The following MRPS22 variants were observed in gnomAD, a reference collection of about 807,000 sequenced individuals.
The protein encoded by MRPS22 is small ribosomal subunit protein mS22.
A neutral mutation model predicts 44.0 loss-of-function variants in MRPS22; 30 were observed. The observed-to-expected ratio is 0.68, with a 90% CI of 0.51 to 0.93. The LOEUF is 0.93. Ranked by LOEUF, MRPS22 falls within the 40% of genes least tolerant of loss-of-function variation. MRPS22 has a pLI of 0.00. For missense variants in MRPS22, 447 were observed against 447.8 expected, an observed-to-expected ratio of 1.00 and a Z score of 0.02; for synonymous variants, 165 against 154.4, an observed-to-expected ratio of 1.07 and a Z score of -0.51.
chr3:139,349,191 G>C, intron 3 of MRPS22: 1 of 399,464 alleles, frequency 2.5e-6, no homozygotes, highest in Non-Finnish European at 4.9e-6. Flanking sequence ...TTGCAGTGCT[G>C]TGCATGTTGG....
At chr3:139,347,562 G>T (rs143298948) in intron 2 of MRPS22, among the ~76,000 whole-genome samples, 4 of 152,306 alleles carry the variant, frequency 2.6e-5, no homozygotes, top group African/African-American at 9.6e-5. Flanking sequence ...TCTCTCTCCA[G>T]TAGTAGATTA....
At chr3:139,350,674 C>A (rs28446937) in intron 4 of MRPS22, 323,241 of 436,392 alleles carry the variant, frequency 0.74, 124,021 homozygotes, top group East Asian at 0.9. Context: ...GATTCGCACC[C>A]CCCCCCCGCA....
chr3:139,350,460 T>C (rs1941124874), intron 4 of MRPS22, 138 bp downstream of exon 4: 2 of 989,924 alleles, frequency 2.0e-6, no homozygotes, highest in African/African-American at 3.3e-5. Context: ...GGAGTTTCGC[T>C]CCTTTTGCCC....
chr3:139,344,780 GTTTC>G, intron 1 of MRPS22: 1 of 629,266 alleles, frequency 1.6e-6, no homozygotes, highest in Non-Finnish European at 2.8e-6. Flanking sequence ...AATTAAGATT[GTTTC>G]TTAAGTTTTT....
chr3:139,348,315 A>ACC lies in MRPS22; in HGVS notation c.496_497dup (p.Arg168ThrfsTer26), dbSNP rs1941085610. On this transcript the variant is annotated frameshift_variant, in exon 3 of 8. Coordinates refer to ENST00000680020, the MANE Select transcript of MRPS22 (RefSeq NM_020191.4). LOFTEE classifies it high-confidence loss of function. ...TGTTTACTGATATATCATATAGCAT[A>ACC]CCACACCGGGTGAGTATATGTCTAA... The ACC allele has an allele frequency of 6.2e-7, 1 of 1,613,842 alleles. No individual in the cohort carries two copies. The highest frequency in any genetic ancestry group is 1.7e-5 in the Admixed American group (1 of 59,994).
Position 139,352,793 on chromosome 3 carries a change from G to T in MRPS22, c.878+1G>T, listed in dbSNP as rs775354826. ...TGATTGACCAGATTCAGAGAGATTTGTAAGTATGATCTTAGTAAGTGAAAG... is the reference window on the plus strand; with the variant it reads ...TGATTGACCAGATTCAGAGAGATTTTTAAGTATGATCTTAGTAAGTGAAAG... On this transcript the variant is annotated splice_donor_variant, in intron 6 of 7. Transcript: ENST00000680020. LOFTEE classifies it high-confidence loss of function. 1.4e-4 allele frequency: 221 copies of T among 1,612,666 alleles called. No homozygotes were observed. The highest frequency in any genetic ancestry group is 1.8e-4 in the Non-Finnish European group (209 of 1,179,220).
At chr3:139,344,284 C>T in intron 1 of MRPS22, 86 bp downstream of exon 1, 2 of 1,385,282 alleles carry the variant, frequency 1.4e-6, no homozygotes, top group Non-Finnish European at 2.0e-6. Flanking sequence ...CGCGATAGCC[C>T]CCGCGACACG....
chr3:139,355,224 C>CT (rs145406249), intron 6 of MRPS22, among the ~76,000 whole-genome samples: 2,254 of 152,232 alleles, frequency 0.015, 61 homozygotes, highest in African/African-American at 0.052. Flanking sequence ...GCAAATGTCA[C>CT]TTAGAGGCAA....
chr3:139,352,672 T>G lies in MRPS22; in HGVS notation c.758T>G (p.Ile253Arg), dbSNP rs761121831. The G allele has an allele frequency of 6.2e-7, 1 of 1,613,554 alleles. No individual in the cohort carries two copies. Among genetic ancestry groups the G allele is most frequent in the East Asian group, 2.2e-5 (1 of 44,850 alleles). ...GTTCATCACAAGACCTATGAAGATA[T>G]AGATAAACGTGGAAAATATGACCTT... ...IKVHHKTYEDIDKRGKYDLLR... is the reference protein window; with the variant it reads ...IKVHHKTYEDRDKRGKYDLLR... Residue 253 changes from isoleucine to arginine, a missense_variant, in exon 6 of 8, where the codon ATA (isoleucine) becomes AGA (arginine). Ile to Arg is a moderately conservative substitution (Grantham distance 97, BLOSUM62 -3). Transcript: ENST00000680020.
intron 2 of MRPS22, among the ~76,000 whole-genome samples, chr3:139,347,949 C>T (rs771020898): frequency 1.2e-4 from 19 of 152,314 alleles, no homozygotes; most frequent in South Asian, 6.2e-4. Flanking sequence ...GTTTTGATAA[C>T]GGTTGAGTCT....
At chr3:139,345,893 C>T (rs997591265) in intron 1 of MRPS22, among the ~76,000 whole-genome samples, 10 of 152,160 alleles carry the variant, frequency 6.6e-5, no homozygotes, top group African/African-American at 1.4e-4. Flanking sequence ...TAATTGAAGT[C>T]GTGGCAGGAT....
intron 1 of MRPS22, among the ~76,000 whole-genome samples, chr3:139,344,411 G>T (rs1242666557): frequency 8.5e-5 from 13 of 152,204 alleles, no homozygotes; most frequent in Non-Finnish European, 1.5e-5. Flanking sequence ...GTTCCGCTCC[G>T]TGCAGAGCAC....
intron 3 of MRPS22, chr3:139,349,376 T>G (rs1382515474): frequency 2.3e-6 from 1 of 434,920 alleles, no homozygotes; most frequent in Admixed American, 2.7e-5. Context: ...ATTTAGAGAC[T>G]CCTACACCTC....
At chr3:139,352,460 T>C (rs1941169225) in intron 5 of MRPS22, 187 bp from the exon 6 acceptor site, 1 of 551,496 alleles carries the variant, frequency 1.8e-6, no homozygotes. Flanking sequence ...AGAATCCTCC[T>C]TCCCACCTAA....
At chr3:139,348,463 A>G in intron 3 of MRPS22, 139 bp downstream of exon 3, 1 of 811,596 alleles carries the variant, frequency 1.2e-6, no homozygotes, top group Non-Finnish European at 2.1e-6. Flanking sequence ...TCTGGAAGAT[A>G]TACTATATGA....
At position 139,352,705 on chromosome 3, in the gene MRPS22, C is replaced by A; in HGVS notation, c.791C>A (p.Ser264Ter). 6.2e-7 allele frequency: 1 copy of A among 1,612,982 alleles called. No individual in the cohort carries two copies. The highest frequency in any genetic ancestry group is 1.1e-5 in the South Asian group (1 of 91,038). ...CGTGGAAAATATGACCTTTTACGTT[C>A]AACAAGATACTTTGGTGGAATGGTG... Reference protein sequence around the residue: ...DKRGKYDLLRSTRYFGGMVWY... With the variant: ...DKRGKYDLLR Residue 264 changes from serine (S) to a stop codon, truncating the protein, a stop_gained, in exon 6 of 8, where the codon TCA becomes TAA. Coordinates refer to ENST00000680020, the MANE Select transcript of MRPS22 (RefSeq NM_020191.4). LOFTEE classifies it high-confidence loss of function.
At chr3:139,349,794 A>G (rs759008471) in intron 3 of MRPS22, among the ~76,000 whole-genome samples, 1 of 152,244 alleles carries the variant, frequency 6.6e-6, no homozygotes, top group Non-Finnish European at 1.5e-5. Flanking sequence ...GACTTTAAAC[A>G]TAGATCATAA....
intron 2 of MRPS22, 86 bp from the exon 3 acceptor site, chr3:139,348,074 A>AT (rs1200171619): frequency 2.1e-5 from 30 of 1,423,684 alleles, no homozygotes; most frequent in Non-Finnish European, 2.7e-5. Context: ...AGGTTTTTGC[A>AT]TTTTTTATTA....
chr3:139,346,187 A>G lies in MRPS22; in HGVS notation c.173-691A>G, dbSNP rs147790282. On this transcript the variant is annotated intron_variant, in intron 1 of 7. Coordinates refer to ENST00000680020, the MANE Select transcript of MRPS22 (RefSeq NM_020191.4). ...GAACCAAGCCTCTTTCCTAGCTGCA[A>G]TCTCTTAGCCTAGACTTTCCCTCCC... Among the ~76,000 whole-genome samples, 34 of 152,228 alleles carry G rather than the reference A, an allele frequency of 2.2e-4. No individual in the cohort carries two copies. The East Asian group carries it at 6.4e-3, about 28-fold the overall frequency.
Sources: allele counts gnomAD v4.1 joint callset (sites outside exome capture counted in the v4.1 genomes callset), GRCh38; gene constraint gnomAD v4.1.1; transcripts MANE v1.5; gene names NCBI Gene and HGNC (gene_info 2026-07-23, HGNC 2026-07-21).